The following PPFIA2 variants were observed in gnomAD, a reference collection of about 807,000 sequenced individuals.
PPFIA2 encodes the protein PPFI scaffold protein A2, also known as liprin-alpha-2.
In PPFIA2, 46 loss-of-function variants were observed where a neutral mutation model predicts 175.5. The observed-to-expected ratio is 0.26, with a 90% CI of 0.21 to 0.34. The LOEUF (loss-of-function observed/expected upper bound fraction) is 0.34, where lower values mean the gene tolerates loss of function less well. Among genes scored for constraint, PPFIA2 ranks in the 10% least tolerant of loss-of-function variants. The pLI is 1.00. For missense variants in PPFIA2, 1,179 were observed against 1,506.1 expected (o/e 0.78, Z 3.60); for synonymous variants, 568 against 511.4 (o/e 1.11, Z -1.49).
chr12:81,743,515 C>CTT (rs368847331), intron 3 of PPFIA2, among the ~76,000 whole-genome samples: 3 of 123,264 alleles, frequency 2.4e-5, no homozygotes, highest in Non-Finnish European at 5.1e-5. Flanking sequence ...GTGTTAATAG[C>CTT]TTTTTTTAAA....
At chr12:81,493,787 T>TATATATATATATAGACAC (rs1491517743) in intron 4 of PPFIA2, among the ~76,000 whole-genome samples, 4 of 128,350 alleles carry the variant, frequency 3.1e-5, no homozygotes, top group African/African-American at 1.2e-4. Context: ...TATATATATA[T>TATATATATATATAGACAC]ACACATTGGA....
Position 81,384,111 on chromosome 12 carries a change from C to G in PPFIA2, c.896G>C (p.Gly299Ala). 2 of 1,613,296 alleles carry G rather than the reference C, an allele frequency of 1.2e-6. No homozygotes were observed. Among genetic ancestry groups the G allele is most frequent in the Non-Finnish European group, 1.7e-6 (2 of 1,179,556 alleles). ...TGTCTCTGCTTCCTGTTCCACCTCT[C>G]CCACTCGGGAAGAAAGGGCTGCTAA... Reference protein sequence around the residue: ...ERLAALSSRVGEVEQEAETAR... With the variant: ...ERLAALSSRVAEVEQEAETAR... Residue 299 changes from glycine to alanine, a missense_variant, in exon 9 of 33, where the codon GGA (glycine) becomes GCA (alanine). Gly to Ala is a moderately conservative substitution (Grantham distance 60). Around this residue, in one of 10 missense-constraint regions of PPFIA2, gnomAD observed 226 missense variants for 216.6 expected, o/e 1.04. Coordinates refer to ENST00000549396, the MANE Select transcript of PPFIA2 (RefSeq NM_003625.5).
intron 21 of PPFIA2, among the ~76,000 whole-genome samples, chr12:81,327,991 A>G (rs1216218101): frequency 6.6e-6 from 1 of 152,182 alleles, no homozygotes; most frequent in Non-Finnish European, 1.5e-5. Context: ...TTGTAAGTAA[A>G]GCTATTTTTA....
At chr12:81,380,319 A>C (rs1220693434) in intron 9 of PPFIA2, among the ~76,000 whole-genome samples, 2 of 152,114 alleles carry the variant, frequency 1.3e-5, no homozygotes, top group Non-Finnish European at 2.9e-5. Flanking sequence ...TGAGCTGAAA[A>C]CACTACTGCA....
At chr12:81,307,500 C>T (rs1035037586) in intron 22 of PPFIA2, among the ~76,000 whole-genome samples, 2 of 152,114 alleles carry the variant, frequency 1.3e-5, no homozygotes. Context: ...TCACAGTTAC[C>T]CAGGTTGGCT....
At chr12:81,263,762 G>T (rs963133307) in intron 30 of PPFIA2, among the ~76,000 whole-genome samples, 1 of 152,130 alleles carries the variant, frequency 6.6e-6, no homozygotes, top group African/African-American at 2.4e-5. Flanking sequence ...TGAATCAGTT[G>T]TTGAGTAGAC....
At chr12:81,416,059 T>C (rs2045192670) in intron 7 of PPFIA2, among the ~76,000 whole-genome samples, 1 of 151,634 alleles carries the variant, frequency 6.6e-6, no homozygotes, top group Non-Finnish European at 1.5e-5. Context: ...AAACAATTTA[T>C]ATTGGTCAGA....
At chr12:81,490,158 C>G (rs926251246) in intron 4 of PPFIA2, among the ~76,000 whole-genome samples, 25 of 151,866 alleles carry the variant, frequency 1.6e-4, no homozygotes, top group Non-Finnish European at 2.9e-5. Flanking sequence ...TTCAAATTTA[C>G]TATGTTTGTG....
rs535154935 is a variant in PPFIA2 at position 81,361,674 on chromosome 12, T to C, written c.1637+1019A>G. Among the ~76,000 whole-genome samples the C allele has an allele frequency of 4.0e-5, 6 of 151,770 alleles. No homozygotes were observed. In the East Asian group the frequency reaches 1.2e-3, roughly 29 times the overall value. On this transcript the variant is annotated intron_variant, in intron 15 of 32. Transcript: ENST00000549396. The stretch of plus-strand genomic sequence containing the variant: ...AGATATTCATTTATTCATTCTATAA[T>C]ATATCTTGAGAGCATACTATATGCA...
intron 7 of PPFIA2, among the ~76,000 whole-genome samples, chr12:81,414,241 A>G (rs1195975523): frequency 6.6e-6 from 1 of 151,742 alleles, no homozygotes; most frequent in South Asian, 2.1e-4. Context: ...CACAATTTAA[A>G]TATTTATCAA....
chr12:81,645,775 A>T (rs1161723878), intron 4 of PPFIA2, among the ~76,000 whole-genome samples: 1 of 152,216 alleles, frequency 6.6e-6, no homozygotes, highest in African/African-American at 2.4e-5. Context: ...AAAATTCTTA[A>T]GACCTAGCGT....
At chr12:81,509,842 T>C (rs2061581324) in intron 4 of PPFIA2, among the ~76,000 whole-genome samples, 2 of 152,318 alleles carry the variant, frequency 1.3e-5, no homozygotes, top group East Asian at 1.9e-4. Context: ...AGCATCATTT[T>C]GGTGAGAACT....
intron 8 of PPFIA2, among the ~76,000 whole-genome samples, chr12:81,405,224 C>T (rs911069724): frequency 1.3e-5 from 2 of 152,100 alleles, no homozygotes; most frequent in African/African-American, 4.8e-5. Flanking sequence ...AGTCCCATGA[C>T]TTCACATTTC....
chr12:81,367,066 TA>T lies in PPFIA2; in HGVS notation c.1545+41del, dbSNP rs1469960360. The T allele has an allele frequency of 7.0e-6, 7 of 1,004,362 alleles. No individual in the cohort carries two copies. The East Asian group carries it at 1.7e-4, about 24-fold the overall frequency. 62.2% of individuals were successfully genotyped at this position (1,004,362 alleles called of 1,614,324 possible). The stretch of plus-strand genomic sequence containing the variant: ...AAACATTCATCAGTGGAATAGAAAA[TA>T]AAAATAGAAAATGGGCCCAAAACAT... On this transcript the variant is annotated intron_variant, in intron 14 of 32. Transcript: ENST00000549396.
rs2083504376 is a variant in PPFIA2 at position 81,749,729 on chromosome 12, C to T, written c.249+4244G>A. On this transcript the variant is annotated intron_variant, in intron 3 of 32. Transcript: ENST00000549396. ...TTATACATTAATTAGTTTTTATTTGCCTCATATTCTTTAATCATCACAAGT... is the reference window on the plus strand; with the variant it reads ...TTATACATTAATTAGTTTTTATTTGTCTCATATTCTTTAATCATCACAAGT... Among the ~76,000 whole-genome samples the T allele has an allele frequency of 1.4e-5, 2 of 143,500 alleles. 1 individual carries two copies. The highest frequency in any genetic ancestry group is 1.5e-4 in the Admixed American group (2 of 13,492). The allele number at this position is 143,500 out of a possible 152,430, so 94.1% of individuals were successfully genotyped here. A position where few individuals can be genotyped will look rare whatever the true frequency, so the allele number is the denominator to read the frequency against.
chr12:81,408,129 A>C (rs1042695078), intron 7 of PPFIA2, among the ~76,000 whole-genome samples: 1 of 152,172 alleles, frequency 6.6e-6, no homozygotes, highest in African/African-American at 2.4e-5. Context: ...TGTAAAAAAA[A>C]CTTCAGAAAC....
chr12:81,598,900 A>C (rs1421312618), intron 4 of PPFIA2, among the ~76,000 whole-genome samples: 1 of 152,018 alleles, frequency 6.6e-6, no homozygotes, highest in Non-Finnish European at 1.5e-5. Context: ...AGTGCTTCAA[A>C]AAGTACCACA....
intron 7 of PPFIA2, among the ~76,000 whole-genome samples, chr12:81,418,968 AC>A (rs1422362687): frequency 1.3e-5 from 2 of 152,138 alleles, no homozygotes; most frequent in East Asian, 1.9e-4. Flanking sequence ...CAGAAAAAAA[AC>A]AGTTTAAAAT....
At chr12:81,471,269 C>T (rs1378968769) in intron 4 of PPFIA2, 1 of 151,838 alleles carries the variant, frequency 6.6e-6, no homozygotes, top group African/African-American at 2.4e-5. Flanking sequence ...CTTCAGCCTC[C>T]AAGGTGGCTG....
Sources: allele counts gnomAD v4.1 joint callset (sites outside exome capture counted in the v4.1 genomes callset), GRCh38; gene constraint gnomAD v4.1.1; regional missense constraint gnomAD v4.1.1; transcripts MANE v1.5; gene names NCBI Gene and HGNC (gene_info 2026-07-23, HGNC 2026-07-21).